The following ARHGEF28 variants were observed in gnomAD, a reference collection of about 807,000 sequenced individuals.
ARHGEF28 encodes the protein Rho guanine nucleotide exchange factor 28, also known as 190 kDa guanine nucleotide exchange factor.
In ARHGEF28, 152 loss-of-function variants were observed where a neutral mutation model predicts 206.6. The observed-to-expected ratio is 0.74, with a 90% CI of 0.64 to 0.84. The LOEUF (loss-of-function observed/expected upper bound fraction) is 0.84, where lower values mean the gene tolerates loss of function less well. Among genes scored for constraint, ARHGEF28 ranks in the 40% least tolerant of loss-of-function variants. The probability of loss-of-function intolerance (pLI) is 0.00; values close to 1 mark genes in which losing one functional copy is unlikely to be tolerated. For missense variants in ARHGEF28, 2,028 were observed against 2,073.2 expected (o/e 0.98, Z 0.42); for synonymous variants, 763 against 776.4 (o/e 0.98, Z 0.29).
chr5:73,898,000 G>A lies in ARHGEF28; in HGVS notation c.3880G>A (p.Gly1294Ser). The A allele has an allele frequency of 6.3e-7, 1 of 1,598,006 alleles. No individual in the cohort carries two copies. The highest frequency in any genetic ancestry group is 8.5e-7 in the Non-Finnish European group (1 of 1,171,758). ...LQVAVKASQM[G>S]AVSQSCEDSC... ...AGTTGCAGTGAAGGCCTCACAGATG[G>A]GCGCCGTGAGTCAATCATGTGAGGA... The change falls in exon 30 of 36, where the codon GGC (glycine) becomes AGC (serine). Residue 1294 changes from glycine to serine, a missense_variant. Transcript: ENST00000513042.
chr5:73,861,460 C>G (rs1759396870), intron 16 of ARHGEF28, among the ~76,000 whole-genome samples: 1 of 152,006 alleles, frequency 6.6e-6, no homozygotes, highest in Non-Finnish European at 1.5e-5. Context: ...ACTATGGGAG[C>G]CTTGCTCTGT....
intron 2 of ARHGEF28, among the ~76,000 whole-genome samples, chr5:73,744,442 T>A (rs1295830691): frequency 1.3e-5 from 2 of 152,096 alleles, no homozygotes; most frequent in African/African-American, 4.8e-5. Flanking sequence ...TACTTACCTA[T>A]AAAATGGGAT....
intron 2 of ARHGEF28, among the ~76,000 whole-genome samples, chr5:73,698,917 G>T (rs1251496477): frequency 1.3e-5 from 2 of 151,928 alleles, no homozygotes; most frequent in African/African-American, 4.8e-5. Flanking sequence ...CTGTGAGCCT[G>T]GGAGAGGAGG....
At position 73,878,438 on chromosome 5, in the gene ARHGEF28, C is replaced by G. The variant is rs558069653; in HGVS notation, c.2815-4034C>G. Among the ~76,000 whole-genome samples, 43 of 151,890 alleles carry G rather than the reference C, an allele frequency of 2.8e-4. 1 individual carries two copies. The South Asian group carries it at 8.6e-3, about 30-fold the overall frequency. Reference sequence around the variant, plus strand: ...AGTCCATTTACATTTAAAGTTAATACTGTTATGTGTGAATTTGATCCTGTC... The same window carrying G: ...AGTCCATTTACATTTAAAGTTAATAGTGTTATGTGTGAATTTGATCCTGTC... On this transcript the variant is annotated intron_variant, in intron 22 of 35. Transcript: ENST00000513042.
chr5:73,845,989 A>C (rs1176009244), intron 11 of ARHGEF28, among the ~76,000 whole-genome samples: 1 of 43,690 alleles, frequency 2.3e-5, no homozygotes, highest in Admixed American at 2.7e-4. Context: ...ACTGTCTCAA[A>C]AAAAAAAAAA....
intron 24 of ARHGEF28, 101 bp downstream of exon 24, chr5:73,883,985 TAA>T (rs60668662): frequency 0.017 from 10,222 of 589,474 alleles, 714 homozygotes; most frequent in African/African-American, 0.16. Flanking sequence ...CTCTGATTCA[TAA>T]AGAGTTTCAC....
At chr5:73,781,864 G>A (rs971508099) in intron 7 of ARHGEF28, among the ~76,000 whole-genome samples, 1 of 152,116 alleles carries the variant, frequency 6.6e-6, no homozygotes. Context: ...GTAGAGTTAT[G>A]TGATCTACTA....
At chr5:73,879,211 T>G (rs1327683596) in intron 22 of ARHGEF28, among the ~76,000 whole-genome samples, 1 of 152,244 alleles carries the variant, frequency 6.6e-6, no homozygotes. Context: ...TTCCAGCTGA[T>G]CGCATCGGCT....
intron 9 of ARHGEF28, among the ~76,000 whole-genome samples, chr5:73,802,473 C>T (rs1755197072): frequency 6.6e-6 from 1 of 152,162 alleles, no homozygotes. Flanking sequence ...GGAAAAATGG[C>T]AGTACTTTCT....
intron 34 of ARHGEF28, among the ~76,000 whole-genome samples, chr5:73,910,989 A>T (rs1267698877): frequency 3.3e-5 from 5 of 152,232 alleles, no homozygotes; most frequent in African/African-American, 1.2e-4. Context: ...TAGCAAAAGT[A>T]AAAACTGCTG....
rs1742592660 is a variant in ARHGEF28, at chr5:73,941,150, A to AT, written c.*144dup. 8 of 888,598 alleles carry AT rather than the reference A, an allele frequency of 9.0e-6. No individual in the cohort carries two copies. The Admixed American group carries it at 2.1e-4, about 23-fold the overall frequency. 55.0% of individuals were successfully genotyped at this position (888,598 alleles called of 1,614,324 possible). A position where few individuals can be genotyped will look rare whatever the true frequency, so the allele number is the denominator to read the frequency against. ...AATATTTAATATTTCCTGGAAGCTC[A>AT]TTTTTTTGGCATGAGTCTAATTAAA... On this transcript the variant is annotated 3_prime_UTR_variant, in exon 36 of 36. Transcript: ENST00000513042.
chr5:73,837,340 G>A (rs1450518999), intron 10 of ARHGEF28, among the ~76,000 whole-genome samples: 1 of 151,934 alleles, frequency 6.6e-6, no homozygotes, highest in Non-Finnish European at 1.5e-5. Context: ...ATGAACATAG[G>A]ATATCTTTCC....
intron 9 of ARHGEF28, among the ~76,000 whole-genome samples, chr5:73,806,000 CTT>C (rs1475203876): frequency 6.6e-6 from 1 of 151,262 alleles, no homozygotes; most frequent in Non-Finnish European, 1.5e-5. Flanking sequence ...TTGTTAAACT[CTT>C]TGCTCATTAC....
rs572674136 is a variant in ARHGEF28 at position 73,933,827 on chromosome 5, CA to C, written c.4949-7016del. Reference sequence around the variant, plus strand: ...GACTCTTTTTTTTCTGTAACATAACCACAATATGATCATCACATCTAAAAAA... The same window carrying C: ...GACTCTTTTTTTTCTGTAACATAACCCAATATGATCATCACATCTAAAAAA... On this transcript the variant is annotated intron_variant, in intron 35 of 35. Transcript: ENST00000513042. Among the ~76,000 whole-genome samples, 274 of 151,936 alleles carry C rather than the reference CA, an allele frequency of 1.8e-3. 1 individual carries two copies. Among genetic ancestry groups the C allele is most frequent in the African/African-American group, 6.2e-3 (257 of 41,446 alleles).
At chr5:73,688,744 C>T (rs1031201546) in intron 2 of ARHGEF28, among the ~76,000 whole-genome samples, 1 of 152,144 alleles carries the variant, frequency 6.6e-6, no homozygotes, top group Non-Finnish European at 1.5e-5. Context: ...GCAACCTCAG[C>T]CTCTGGGTAA....
chr5:73,781,668 C>T (rs969982785), intron 7 of ARHGEF28, among the ~76,000 whole-genome samples: 3 of 152,056 alleles, frequency 2.0e-5, no homozygotes, highest in Admixed American at 2.0e-4. Flanking sequence ...TTTCAAAACC[C>T]GGTGGTTGCA....
chr5:73,868,617 T>C lies in ARHGEF28; in HGVS notation c.2425+390T>C, dbSNP rs375305358. On this transcript the variant is annotated intron_variant, in intron 20 of 35. Coordinates refer to ENST00000513042, the MANE Select transcript of ARHGEF28 (RefSeq NM_001177693.2). ...ACTGGTCTTCTTTGGATCTCTGAGA[T>C]ACTTACCCCATCTGTTGCCTCCTAG... Among the ~76,000 whole-genome samples, 33 of 152,324 alleles carry C rather than the reference T, an allele frequency of 2.2e-4. No homozygotes were observed. The South Asian group carries it at 3.3e-3, about 15-fold the overall frequency.
intron 16 of ARHGEF28, among the ~76,000 whole-genome samples, chr5:73,858,929 G>A (rs1759217286): frequency 6.6e-6 from 1 of 152,150 alleles, no homozygotes; most frequent in African/African-American, 2.4e-5. Flanking sequence ...AGTCACACTG[G>A]CATCTTTGCT....
intron 1 of ARHGEF28, among the ~76,000 whole-genome samples, chr5:73,659,698 A>G (rs530395168): frequency 3.3e-5 from 5 of 152,336 alleles, no homozygotes; most frequent in Non-Finnish European, 7.3e-5. Context: ...TCAGTTCCAC[A>G]TCACCACAAT....
Sources: gnomAD v4.1 joint callset for allele counts (sites outside exome capture counted in the v4.1 genomes callset) on GRCh38, gnomAD v4.1.1 for gene constraint, MANE v1.5 for transcripts, NCBI Gene and HGNC (gene_info 2026-07-23, HGNC 2026-07-21) for gene names.